EYS: variants seen among roughly 807,000 people sequenced by gnomAD.
EYS encodes protein eyes shut homolog.
In EYS, 250 loss-of-function variants were observed where a neutral mutation model predicts 282.1. The observed-to-expected ratio is 0.89, with a 90% CI of 0.80 to 0.98. The LOEUF is 0.98. Among genes scored for constraint, EYS ranks in the 50% least tolerant of loss-of-function variants. The pLI is 0.00. For missense variants in EYS, 4,016 were observed against 3,709.0 expected (o/e 1.08, Z -2.15); for synonymous variants, 1,355 against 1,282.9 (o/e 1.06, Z -1.20).
chr6:63,766,772 CCAT>C (rs1769799478), intron 40 of EYS, among the ~76,000 whole-genome samples: 1 of 151,864 alleles, frequency 6.6e-6, no homozygotes. Flanking sequence ...CTTTTAGTCA[CCAT>C]TTTATGTCTC....
At chr6:65,035,013 C>G (rs944359133) in intron 13 of EYS, among the ~76,000 whole-genome samples, 3 of 152,118 alleles carry the variant, frequency 2.0e-5, no homozygotes, top group African/African-American at 4.8e-5. Flanking sequence ...GCTAATCCAC[C>G]ACAGTCAAGT....
chr6:64,630,611 T>G lies in EYS; in HGVS notation c.3444-4366A>C, dbSNP rs143999495. 3.7e-3 allele frequency among the ~76,000 whole-genome samples: 568 copies of G among 152,350 alleles called. 2 individuals are homozygous for G. The highest frequency in any genetic ancestry group is 0.011 in the South Asian group (54 of 4,834). On this transcript the variant is annotated intron_variant, in intron 22 of 42. Transcript: ENST00000503581. The stretch of plus-strand genomic sequence containing the variant: ...ATAGTGAACTATACTGAATGTTTTA[T>G]GAATGCTAAGGTTTGCTTTCCTGGA...
At position 64,322,183 on chromosome 6, in the gene EYS, C is replaced by T. The variant is rs148750620; in HGVS notation, c.6079-15101G>A. Among the ~76,000 whole-genome samples, 466 of 151,984 alleles carry T rather than the reference C, an allele frequency of 3.1e-3. 1 individual carries two copies. The highest frequency in any genetic ancestry group is 5.5e-3 in the Non-Finnish European group (374 of 67,924). ...GTCTAGCTGATAAAGTGGAGTAGAG[C>T]CTGAAAATTAATCGACATTTTTTCC... On this transcript the variant is annotated intron_variant, in intron 29 of 42. Coordinates refer to ENST00000503581, the MANE Select transcript of EYS (RefSeq NM_001142800.2).
chr6:64,331,577 G>T (rs1256662977), intron 29 of EYS, among the ~76,000 whole-genome samples: 1 of 129,082 alleles, frequency 7.7e-6, no homozygotes, highest in Non-Finnish European at 1.6e-5. Context: ...TCAGATGGGA[G>T]GCTCGCCTTC....
chr6:65,450,077 A>C (rs535897991), intron 5 of EYS, among the ~76,000 whole-genome samples: 1 of 152,250 alleles, frequency 6.6e-6, no homozygotes, highest in East Asian at 1.9e-4. Flanking sequence ...TATGTGTCTA[A>C]ATTTTACACT....
At chr6:64,375,796 G>C (rs955519542) in intron 29 of EYS, among the ~76,000 whole-genome samples, 1 of 152,134 alleles carries the variant, frequency 6.6e-6, no homozygotes, top group East Asian at 1.9e-4. Context: ...CAAAAGCAAA[G>C]ATATATATGA....
intron 30 of EYS, among the ~76,000 whole-genome samples, chr6:64,246,868 T>C (rs781736238): frequency 1.2e-4 from 19 of 152,194 alleles, no homozygotes; most frequent in Non-Finnish European, 5.9e-5. Flanking sequence ...AAAAAGTATG[T>C]AGATTTTTGA....
chr6:63,908,015 T>C (rs1773821452), intron 35 of EYS, among the ~76,000 whole-genome samples: 2 of 2,514 alleles, frequency 8.0e-4, no homozygotes, highest in African/African-American at 1.5e-3. Context: ...CACAAACGTA[T>C]ATATATATAT....
At chr6:65,111,185 G>T (rs1775203868) in intron 12 of EYS, among the ~76,000 whole-genome samples, 1 of 151,798 alleles carries the variant, frequency 6.6e-6, no homozygotes, top group Non-Finnish European at 1.5e-5. Context: ...GTTGAGTTTG[G>T]CGTATATATT....
chr6:63,880,764 G>T (rs1012463340), intron 35 of EYS, among the ~76,000 whole-genome samples: 14 of 151,976 alleles, frequency 9.2e-5, no homozygotes, highest in African/African-American at 3.4e-4. Context: ...AAATACAAGA[G>T]GCTGAAAGTG....
At chr6:64,864,599 T>G in intron 19 of EYS, among the ~76,000 whole-genome samples, 1 of 148,120 alleles carries the variant, frequency 6.8e-6, no homozygotes, top group Non-Finnish European at 1.5e-5. Flanking sequence ...TTGGCTACGA[T>G]AGTCTCGATC....
At chr6:65,526,036 G>T (rs867033712) in intron 2 of EYS, among the ~76,000 whole-genome samples, 14 of 152,320 alleles carry the variant, frequency 9.2e-5, no homozygotes, top group Middle Eastern at 3.4e-3. Flanking sequence ...CCTAGAGACT[G>T]AGAAGTCCAA....
chr6:63,816,961 A>G (rs1366728690), intron 36 of EYS, among the ~76,000 whole-genome samples: 3 of 152,208 alleles, frequency 2.0e-5, no homozygotes, highest in Non-Finnish European at 4.4e-5. Context: ...GAGACTTCTT[A>G]AAGTCTTTTC....
At chr6:65,558,648 G>A (rs965675426) in intron 2 of EYS, among the ~76,000 whole-genome samples, 1 of 152,142 alleles carries the variant, frequency 6.6e-6, no homozygotes, top group African/African-American at 2.4e-5. Context: ...CCAACAAGAT[G>A]AACAACAAGA....
intron 15 of EYS, among the ~76,000 whole-genome samples, chr6:64,933,298 A>G (rs1040913170): frequency 2.4e-4 from 36 of 152,232 alleles, no homozygotes; most frequent in African/African-American, 7.9e-4. Context: ...AAAGAGAAAA[A>G]CAACGTCATC....
intron 11 of EYS, among the ~76,000 whole-genome samples, chr6:65,327,828 C>T (rs908557322): frequency 8.6e-5 from 13 of 151,252 alleles, no homozygotes; most frequent in African/African-American, 2.9e-4. Context: ...GGTTTGGTAG[C>T]CATAAATAAA....
At chr6:65,374,111 C>T (rs554425045) in intron 8 of EYS, among the ~76,000 whole-genome samples, 1 of 152,300 alleles carries the variant, frequency 6.6e-6, no homozygotes, top group African/African-American at 2.4e-5. Flanking sequence ...ATAGGAACAG[C>T]TCCACTCTGC....
chr6:65,062,496 C>G (rs2150160312), intron 12 of EYS, among the ~76,000 whole-genome samples: 1 of 151,986 alleles, frequency 6.6e-6, no homozygotes, highest in South Asian at 2.1e-4. Context: ...CACAACACAT[C>G]CAGAGTAATT....
intron 35 of EYS, among the ~76,000 whole-genome samples, chr6:63,965,576 C>A (rs765640121): frequency 2.6e-5 from 4 of 152,102 alleles, no homozygotes; most frequent in Non-Finnish European, 5.9e-5. Flanking sequence ...TGTAACAGGT[C>A]TGCATGAAAA....
Sources: allele counts gnomAD v4.1 joint callset (sites outside exome capture counted in the v4.1 genomes callset), GRCh38; gene constraint gnomAD v4.1.1; transcripts MANE v1.5; gene names NCBI Gene and HGNC (gene_info 2026-07-23, HGNC 2026-07-21).